The following GART variants were observed in gnomAD, a reference collection of about 807,000 sequenced individuals.
GART encodes phosphoribosylglycinamide formyltransferase, phosphoribosylglycinamide synthetase, phosphoribosylaminoimidazole synthetase, also known as trifunctional purine biosynthetic protein adenosine-3.
GART carries 43 observed loss-of-function variants against 107.2 expected under a neutral mutation model. The ratio of observed to expected loss-of-function variants is 0.40; its 90% CI spans 0.31 to 0.52. GART has a LOEUF of 0.52. GART is among the 20% of genes least tolerant of loss of function. The probability of loss-of-function intolerance (pLI) is 0.52; values close to 1 mark genes in which losing one functional copy is unlikely to be tolerated. For missense variants in GART, 1,107 were observed against 1,206.5 expected, an observed-to-expected ratio of 0.92 and a Z score of 1.22; for synonymous variants, 434 against 427.0, an observed-to-expected ratio of 1.02 and a Z score of -0.20.
intron 10 of GART, 117 bp from the exon 11 acceptor site, chr21:33,525,117 T>G (rs1601203957): frequency 7.0e-7 from 1 of 1,429,342 alleles, no homozygotes; most frequent in Non-Finnish European, 9.1e-7. Flanking sequence ...CTAGGTGCGG[T>G]GGCTCATGCT....
intron 12 of GART, among the ~76,000 whole-genome samples, chr21:33,521,403 G>A (rs893554687): frequency 5.3e-5 from 8 of 151,642 alleles, no homozygotes; most frequent in Non-Finnish European, 8.8e-5. Flanking sequence ...AGGCCGAGGC[G>A]GGTGGATCAC....
chr21:33,539,357 C>T lies in GART; in HGVS notation c.-41-1G>A, dbSNP rs1020588620. 1 of 1,586,396 alleles carries T rather than the reference C, an allele frequency of 6.3e-7. No individual in the cohort carries two copies. Among genetic ancestry groups the T allele is most frequent in the Admixed American group, 1.9e-5 (1 of 52,180 alleles). ...CAGAAATTCCAAAGGAAAATGAAAC[C>T]TGCAGAAAGAAAACCACAGTTTATA... is the stretch of plus-strand genomic sequence containing the variant. On this transcript the variant is annotated splice_acceptor_variant, in intron 1 of 21. Transcript: ENST00000381815. LOFTEE classifies it low-confidence loss of function (5UTR_SPLICE).
rs1286704843 is a variant in GART, at chr21:33,520,652, A to G, written c.1504-90T>C. ...GATTAGCTGCTCTTAACACCTAAAA[A>G]CAAAAGAACACGAAATTCTGACAAG... On this transcript the variant is annotated intron_variant, in intron 13 of 21. Coordinates refer to ENST00000381815, the MANE Select transcript of GART (RefSeq NM_000819.5). 4 of 1,139,798 alleles carry G rather than the reference A, an allele frequency of 3.5e-6. No homozygotes were observed. In the East Asian group the frequency reaches 7.7e-5, roughly 22 times the overall value. The allele number at this position is 1,139,798 out of a possible 1,614,324, so 70.6% of individuals were successfully genotyped here.
Position 33,536,801 on chromosome 21 carries a change from G to A in GART, c.146-1481C>T, listed in dbSNP as rs185610996. On this transcript the variant is annotated intron_variant, in intron 2 of 21. Transcript: ENST00000381815. ...GGATATGCTGGACAAAAAGATTCAC[G>A]TCTCAGGTTGGACGGCACAAAATTT... 2.0e-5 allele frequency among the ~76,000 whole-genome samples: 3 copies of A among 152,300 alleles called. No individual in the cohort carries two copies. The East Asian group carries it at 5.8e-4, about 29-fold the overall frequency.
intron 6 of GART, 33 bp downstream of exon 6, chr21:33,531,456 C>T (rs768365432): frequency 1.3e-6 from 2 of 1,589,300 alleles, no homozygotes; most frequent in African/African-American, 1.3e-5. Flanking sequence ...GCTTCTTATA[C>T]ACTACAAAAG....
At chr21:33,526,070 C>T (rs1311607613) in intron 10 of GART, among the ~76,000 whole-genome samples, 2 of 151,344 alleles carry the variant, frequency 1.3e-5, no homozygotes, top group East Asian at 2.0e-4. Flanking sequence ...AGGGTTTCAC[C>T]GTGTTAGCCA....
Position 33,504,515 on chromosome 21 carries a change from T to A in GART, c.2738A>T (p.Asn913Ile), listed in dbSNP as rs1198953454. The change falls in exon 21 of 22, where the codon AAT (asparagine) becomes ATT (isoleucine). Residue 913 changes from asparagine (N) to isoleucine (I), a missense_variant. By Grantham distance (149) the Asn-to-Ile change is moderately radical. Coordinates refer to ENST00000381815, the MANE Select transcript of GART (RefSeq NM_000819.5). ...FVQKWNGKML[N>I]IHPSLLPSFK... The stretch of plus-strand genomic sequence containing the variant: ...AGAAGGGAGCAAGGATGGGTGGATA[T>A]TGAGCATTTTTCCTAAAAATTAAAA... 3 of 1,610,442 alleles carry A rather than the reference T, an allele frequency of 1.9e-6. No individual in the cohort carries two copies. The Admixed American group carries it at 5.0e-5, about 27-fold the overall frequency.
At chr21:33,540,553 C>T (rs2085394011) in intron 1 of GART, among the ~76,000 whole-genome samples, 1 of 152,130 alleles carries the variant, frequency 6.6e-6, no homozygotes, top group Admixed American at 6.5e-5. Context: ...CAACTCATTT[C>T]ACTTTAGTTC....
intron 20 of GART, 146 bp downstream of exon 20, chr21:33,505,415 G>A (rs1027145986): frequency 5.0e-6 from 3 of 602,750 alleles, no homozygotes; most frequent in Non-Finnish European, 8.4e-6. Flanking sequence ...TGTGACCTGT[G>A]TTAAAGTATT....
At chr21:33,529,959 C>A (rs1273660344) in intron 7 of GART, among the ~76,000 whole-genome samples, 2 of 151,854 alleles carry the variant, frequency 1.3e-5, no homozygotes, top group Non-Finnish European at 2.9e-5. Flanking sequence ...CTTTGGGAGG[C>A]CGAGGTGGGC....
chr21:33,531,823 G>T, intron 5 of GART: 1 of 400,648 alleles, frequency 2.5e-6, no homozygotes, highest in South Asian at 5.3e-5. Context: ...TTTCAAATAA[G>T]GTATGGGAAA....
Position 33,531,527 on chromosome 21 carries a change from T to C in GART, c.559A>G (p.Ile187Val). 1 of 1,613,058 alleles carries C rather than the reference T, an allele frequency of 6.2e-7. No individual in the cohort carries two copies. The highest frequency in any genetic ancestry group is 8.5e-7 in the Non-Finnish European group (1 of 1,179,712). The change falls in exon 6 of 22, where the codon ATT (isoleucine) becomes GTT (valine). Residue 187 changes from isoleucine to valine, a missense_variant. Ile to Val is a conservative substitution (Grantham distance 29, BLOSUM62 3). Coordinates refer to ENST00000381815, the MANE Select transcript of GART (RefSeq NM_000819.5). ...EKAFGAAGET[I>V]VIEELLDGEE... ...CCGTCAAGAAGTTCTTCAATGACAA[T>C]TGTTTCTCCAGCTGCCCCAAAGGCT...
At chr21:33,525,383 A>C (rs2085053420) in intron 10 of GART, among the ~76,000 whole-genome samples, 2 of 152,158 alleles carry the variant, frequency 1.3e-5, no homozygotes, top group Admixed American at 1.3e-4. Context: ...ATAAATAAAT[A>C]CATAAAAATT....
intron 20 of GART, 111 bp from the exon 21 acceptor site, chr21:33,504,638 G>A: frequency 1.4e-6 from 1 of 737,630 alleles, no homozygotes. Context: ...GGATTTCTGG[G>A]ATGGATGTTT....
chr21:33,541,291 C>A (rs1157582870), intron 1 of GART, among the ~76,000 whole-genome samples: 1 of 152,120 alleles, frequency 6.6e-6, no homozygotes, highest in Non-Finnish European at 1.5e-5. Context: ...GGATTACGGG[C>A]GTGCGCCGCC....
intron 14 of GART, among the ~76,000 whole-genome samples, chr21:33,520,108 G>C (rs954008826): frequency 2.0e-5 from 3 of 152,112 alleles, no homozygotes; most frequent in African/African-American, 7.2e-5. Context: ...CAAAAATTGG[G>C]AAGAAAGATA....
intron 18 of GART, 116 bp downstream of exon 18, chr21:33,509,667 A>C: frequency 1.9e-6 from 2 of 1,030,464 alleles, no homozygotes; most frequent in Non-Finnish European, 2.8e-6. Flanking sequence ...GACAACCCTC[A>C]TGATTCCCCC....
At chr21:33,534,374 G>A (rs141097212) in intron 4 of GART, among the ~76,000 whole-genome samples, 2,557 of 151,904 alleles carry the variant, frequency 0.017, 77 homozygotes, top group African/African-American at 0.059. Flanking sequence ...CATCATGCCC[G>A]GCTTTTTTTT....
chr21:33,524,645 G>A (rs1322028165), intron 11 of GART, 124 bp downstream of exon 11: 13 of 1,472,948 alleles, frequency 8.8e-6, no homozygotes, highest in Non-Finnish European at 1.2e-5. Flanking sequence ...TACAAACCAA[G>A]ACTGTATCAC....
Sources: gnomAD v4.1 joint callset for allele counts (sites outside exome capture counted in the v4.1 genomes callset) on GRCh38, gnomAD v4.1.1 for gene constraint, MANE v1.5 for transcripts, NCBI Gene and HGNC (gene_info 2026-07-23, HGNC 2026-07-21) for gene names.